Variants in DSC1 observed in about 807,000 individuals in gnomAD.
The protein encoded by DSC1 is desmocollin 1.
Under a neutral mutation model 98.8 loss-of-function variants are expected in DSC1, and 79 were observed. The observed-to-expected ratio is 0.80, with a 90% confidence interval of 0.67 to 0.96. The LOEUF is 0.96. Among genes scored for constraint, DSC1 ranks in the 50% least tolerant of loss-of-function variants. DSC1 has a pLI of 0.00. For missense variants in DSC1, 1,115 were observed against 1,075.9 expected (o/e 1.04, Z -0.51); for synonymous variants, 405 against 372.1 (o/e 1.09, Z -1.02).
chr18:31,154,920 C>T lies in DSC1; in HGVS notation c.481G>A (p.Asp161Asn). 1 of 1,613,252 alleles carries T rather than the reference C, an allele frequency of 6.2e-7. No individual in the cohort carries two copies. The change falls in exon 5 of 16, where the codon GAT (aspartate) becomes AAT (asparagine). Residue 161 changes from aspartate to asparagine, a missense_variant. By Grantham distance (23) the Asp-to-Asn change is conservative. Coordinates refer to ENST00000257198, the MANE Select transcript of DSC1 (RefSeq NM_024421.2). The stretch of plus-strand genomic sequence containing the variant: ...AAGATGGTGTAATTCTGTGCAGCAT[C>T]AGATTGGATCTGCAGTAATAATTTA... ...FPQHVQQIQS[D>N]AAQNYTIFYS...
intron 13 of DSC1, 27 bp downstream of exon 13, chr18:31,133,864 C>T (rs761075260): frequency 1.9e-6 from 3 of 1,568,678 alleles, no homozygotes; most frequent in African/African-American, 2.7e-5. Context: ...CTAACACATT[C>T]TAGATAATGA....
intron 6 of DSC1, among the ~76,000 whole-genome samples, chr18:31,147,568 A>G (rs910732748): frequency 3.9e-5 from 6 of 152,128 alleles, no homozygotes; most frequent in Non-Finnish European, 8.8e-5. Context: ...AATGTTCTAC[A>G]TAATTGTGTT....
rs200960095 is a variant in DSC1, at chr18:31,130,661, G to T, written c.2538C>A (p.Tyr846Ter). 2 of 1,613,974 alleles carry T rather than the reference G, an allele frequency of 1.2e-6. No individual in the cohort carries two copies. Among genetic ancestry groups the T allele is most frequent in the South Asian group, 2.2e-5 (2 of 91,082 alleles). The change falls in exon 16 of 16, where the codon TAC becomes TAA. Residue 846 changes from tyrosine to a stop codon, truncating the protein, a stop_gained. Transcript: ENST00000257198. LOFTEE classifies it high-confidence loss of function. ...QDEEHKHCED[Y>*]VCSYNYEGKG... ...TGCCTTCATAGTTATACGAACAAACGTAGTCTTCACAATGTTTATGCTCCT... is the reference window on the plus strand; with the variant it reads ...TGCCTTCATAGTTATACGAACAAACTTAGTCTTCACAATGTTTATGCTCCT...
At chr18:31,148,414 G>T in intron 6 of DSC1, 84 bp downstream of exon 6, 2 of 1,412,654 alleles carry the variant, frequency 1.4e-6, no homozygotes, top group South Asian at 1.7e-5. Flanking sequence ...AAAATGCAAT[G>T]ATAAAACGTA....
chr18:31,158,029 G>C (rs1370416989), intron 2 of DSC1, among the ~76,000 whole-genome samples: 4 of 152,162 alleles, frequency 2.6e-5, no homozygotes, highest in East Asian at 1.9e-4. Flanking sequence ...AGCAGTTTGG[G>C]AGGCCGAGGT....
intron 8 of DSC1, among the ~76,000 whole-genome samples, chr18:31,142,768 G>C (rs973127740): frequency 6.6e-6 from 1 of 152,088 alleles, no homozygotes; most frequent in Non-Finnish European, 1.5e-5. Flanking sequence ...AATTGAATCT[G>C]TTAGAGATAG....
chr18:31,144,482 A>G (rs1167835558), intron 7 of DSC1, among the ~76,000 whole-genome samples: 3 of 152,212 alleles, frequency 2.0e-5, no homozygotes, highest in Non-Finnish European at 4.4e-5. Flanking sequence ...AAAGCATATT[A>G]CTAAATGAAA....
intron 5 of DSC1, among the ~76,000 whole-genome samples, chr18:31,151,120 T>A (rs775136090): frequency 2.0e-5 from 3 of 152,238 alleles, no homozygotes; most frequent in Non-Finnish European, 4.4e-5. Flanking sequence ...TTCTCTTCAA[T>A]GGAAATGAAG....
intron 1 of DSC1, among the ~76,000 whole-genome samples, chr18:31,160,245 T>C (rs1467669921): frequency 6.6e-6 from 1 of 152,208 alleles, no homozygotes; most frequent in Non-Finnish European, 1.5e-5. Flanking sequence ...AAAGCTATCA[T>C]TTCAAAAATG....
At position 31,130,516 on chromosome 18, in the gene DSC1, A is replaced by G. The variant is rs1460353244; in HGVS notation, c.2683T>C (p.Ter895GlnextTer7). 20 of 1,613,986 alleles carry G rather than the reference A, an allele frequency of 1.2e-5. No individual in the cohort carries two copies. The highest frequency in any genetic ancestry group is 1.4e-5 in the Non-Finnish European group (17 of 1,179,984). The change falls in exon 16 of 16, where the codon TAA (stop) becomes CAA (glutamine). Residue 895 changes from the stop codon to glutamine (Q), a stop_lost. Coordinates refer to ENST00000257198, the MANE Select transcript of DSC1 (RefSeq NM_024421.2). Reference sequence around the variant, plus strand: ...TATTACACTATTAAAAGGCACATTTATTTCTTGATGCATGTCTTTGCTAAT... The same window carrying G: ...TATTACACTATTAAAAGGCACATTTGTTTCTTGATGCATGTCTTTGCTAAT... ...RTLAKTCIKK[*>Q]
At position 31,130,426 on chromosome 18, in the gene DSC1, C is replaced by G; in HGVS notation, c.*88G>C. 3 of 1,487,128 alleles carry G rather than the reference C, an allele frequency of 2.0e-6. No individual in the cohort carries two copies. Among genetic ancestry groups the G allele is most frequent in the Non-Finnish European group, 9.2e-7 (1 of 1,084,286 alleles). The allele number at this position is 1,487,128 out of a possible 1,614,324, so 92.1% of individuals were successfully genotyped here. Reference sequence around the variant, plus strand: ...ACATGACAAAGTTTACCTCCATAAACAAAAACATTAGCAGATGCTGCTAAC... The same window carrying G: ...ACATGACAAAGTTTACCTCCATAAAGAAAAACATTAGCAGATGCTGCTAAC... On this transcript the variant is annotated 3_prime_UTR_variant, in exon 16 of 16. Transcript: ENST00000257198.
intron 5 of DSC1, among the ~76,000 whole-genome samples, chr18:31,150,321 T>C (rs796692264): frequency 0.021 from 661 of 31,142 alleles, 59 homozygotes; most frequent in East Asian, 0.087. Flanking sequence ...ACTACTACCA[T>C]CATCACCACC....
At chr18:31,160,742 CATACTGTTA>C (rs1989193247) in intron 1 of DSC1, among the ~76,000 whole-genome samples, 3 of 152,044 alleles carry the variant, frequency 2.0e-5, no homozygotes, top group African/African-American at 7.2e-5. Flanking sequence ...AAGCATAGAC[CATACTGTTA>C]ATAGTTGTCT....
Position 31,142,015 on chromosome 18 carries a change from A to T in DSC1, c.1244T>A (p.Val415Glu). 6.2e-7 allele frequency: 1 copy of T among 1,606,322 alleles called. No homozygotes were observed. The highest frequency in any genetic ancestry group is 8.5e-7 in the Non-Finnish European group (1 of 1,178,330). The change falls in exon 9 of 16, where the codon GTG (valine) becomes GAG (glutamate). Residue 415 changes from valine to glutamate, a missense_variant. Transcript: ENST00000257198. ...TTTGTTTACCTTGACAACACACAGC[A>T]CTCCTTCATTTGTATTTGGATCTGT... Reference protein sequence around the residue: ...ISTDPNTNEGVLCVVKPLNYE... With the variant: ...ISTDPNTNEGELCVVKPLNYE...
At chr18:31,145,460 G>A in intron 7 of DSC1, 151 bp downstream of exon 7, 2 of 717,310 alleles carry the variant, frequency 2.8e-6, no homozygotes, top group Non-Finnish European at 4.6e-6. Context: ...CATCTCTAAG[G>A]ACCGAGGACA....
intron 15 of DSC1, 125 bp downstream of exon 15, chr18:31,131,469 T>C: frequency 2.4e-6 from 3 of 1,256,342 alleles, no homozygotes; most frequent in Non-Finnish European, 3.3e-6. Context: ...TCCACATCTA[T>C]GATAATCCAA....
At chr18:31,145,266 G>A (rs1462078427) in intron 7 of DSC1, among the ~76,000 whole-genome samples, 1 of 152,052 alleles carries the variant, frequency 6.6e-6, no homozygotes, top group Admixed American at 6.5e-5. Flanking sequence ...CTACTAAATT[G>A]TGCTGTGAAC....
chr18:31,161,782 G>C (rs1176916615), intron 1 of DSC1, among the ~76,000 whole-genome samples: 1 of 152,070 alleles, frequency 6.6e-6, no homozygotes, highest in Non-Finnish European at 1.5e-5. Context: ...CATCAACCCT[G>C]CATTGTATAT....
chr18:31,142,600 G>C (rs1567999452), intron 8 of DSC1, among the ~76,000 whole-genome samples: 2 of 152,086 alleles, frequency 1.3e-5, no homozygotes, highest in Non-Finnish European at 2.9e-5. Flanking sequence ...CTTATTTCTG[G>C]AGAATTGTTT....
Sources: allele counts gnomAD v4.1 joint callset (sites outside exome capture counted in the v4.1 genomes callset), GRCh38; gene constraint gnomAD v4.1.1; transcripts MANE v1.5; gene names NCBI Gene and HGNC (gene_info 2026-07-23, HGNC 2026-07-21).